Variants in LRRTM4 observed in about 807,000 individuals in gnomAD.
The protein encoded by LRRTM4 is leucine rich repeat transmembrane neuronal 4.
Under a neutral mutation model 47.6 loss-of-function variants are expected in LRRTM4, and 25 were observed. That is an observed-to-expected ratio of 0.53 (90% CI 0.38 to 0.73). The LOEUF (loss-of-function observed/expected upper bound fraction) is 0.73, where lower values mean the gene tolerates loss of function less well. Ranked by LOEUF, LRRTM4 falls within the 30% of genes least tolerant of loss-of-function variation. LRRTM4 has a pLI of 0.00. For missense variants in LRRTM4, 638 were observed against 713.4 expected, an observed-to-expected ratio of 0.89 and a Z score of 1.20; for synonymous variants, 311 against 269.5, an observed-to-expected ratio of 1.15 and a Z score of -1.51.
chr2:76,841,103 T>G (rs1671662181), intron 3 of LRRTM4, among the ~76,000 whole-genome samples: 1 of 150,366 alleles, frequency 6.7e-6, no homozygotes, highest in Non-Finnish European at 1.5e-5. Context: ...CCATAAAAAA[T>G]GATGAGTTCA....
intron 3 of LRRTM4, among the ~76,000 whole-genome samples, chr2:77,274,133 A>G (rs1676275979): frequency 1.3e-5 from 2 of 152,062 alleles, no homozygotes; most frequent in African/African-American, 2.4e-5. Context: ...TGTCTCTCAT[A>G]TATGATCACA....
chr2:77,042,265 T>C (rs1216788154), intron 3 of LRRTM4, among the ~76,000 whole-genome samples: 1 of 151,394 alleles, frequency 6.6e-6, no homozygotes, highest in Non-Finnish European at 1.5e-5. Context: ...CAAGCTACTC[T>C]CAAATAGTTA....
chr2:77,066,798 G>T (rs1285155071), intron 3 of LRRTM4, among the ~76,000 whole-genome samples: 1 of 152,196 alleles, frequency 6.6e-6, no homozygotes, highest in African/African-American at 2.4e-5. Context: ...AGAAATTAAA[G>T]AAGATGTGAC....
intron 3 of LRRTM4, among the ~76,000 whole-genome samples, chr2:77,159,693 C>A (rs1011846603): frequency 6.6e-6 from 1 of 151,618 alleles, no homozygotes; most frequent in Non-Finnish European, 1.5e-5. Flanking sequence ...TCAGGGTGGG[C>A]AGAGGGGGAA....
chr2:77,347,798 G>A (rs1465456482), intron 3 of LRRTM4, among the ~76,000 whole-genome samples: 1 of 151,878 alleles, frequency 6.6e-6, no homozygotes, highest in South Asian at 2.1e-4. Flanking sequence ...ATTCTTGGTA[G>A]CTCTGGTCTA....
chr2:77,189,628 C>T (rs950336437), intron 3 of LRRTM4, among the ~76,000 whole-genome samples: 4 of 151,774 alleles, frequency 2.6e-5, no homozygotes, highest in African/African-American at 9.7e-5. Flanking sequence ...CCAACCATGC[C>T]GGCACCGTGA....
intron 3 of LRRTM4, among the ~76,000 whole-genome samples, chr2:76,804,520 A>C (rs558608867): frequency 1.3e-5 from 2 of 151,702 alleles, no homozygotes; most frequent in Non-Finnish European, 2.9e-5. Context: ...TGGTGTATCT[A>C]TTTTAACCGG....
intron 3 of LRRTM4, among the ~76,000 whole-genome samples, chr2:76,871,156 C>T (rs1319120457): frequency 6.6e-6 from 1 of 152,072 alleles, no homozygotes; most frequent in African/African-American, 2.4e-5. Flanking sequence ...AAACATTGTC[C>T]AAATTTCCAT....
chr2:77,250,126 G>A (rs1265521738), intron 3 of LRRTM4, among the ~76,000 whole-genome samples: 2 of 152,236 alleles, frequency 1.3e-5, no homozygotes, highest in East Asian at 3.9e-4. Flanking sequence ...GCAAGATTAT[G>A]GAGATAGTGA....
At chr2:76,982,112 A>C (rs1170496881) in intron 3 of LRRTM4, among the ~76,000 whole-genome samples, 1 of 152,046 alleles carries the variant, frequency 6.6e-6, no homozygotes, top group African/African-American at 2.4e-5. Flanking sequence ...CTATGTGTCC[A>C]TGGATATTGT....
At chr2:76,787,686 C>A in intron 3 of LRRTM4, among the ~76,000 whole-genome samples, 1 of 152,034 alleles carries the variant, frequency 6.6e-6, no homozygotes, top group Admixed American at 6.6e-5. Flanking sequence ...GACTACAGCA[C>A]ACTTATTCGG....
chr2:77,231,971 G>T (rs569096240), intron 3 of LRRTM4, among the ~76,000 whole-genome samples: 15 of 152,072 alleles, frequency 9.9e-5, no homozygotes, highest in African/African-American at 2.9e-4. Flanking sequence ...TTTACCTTTT[G>T]CTTTTCTTCA....
chr2:77,082,872 T>C (rs543682925), intron 3 of LRRTM4, among the ~76,000 whole-genome samples: 1 of 152,142 alleles, frequency 6.6e-6, no homozygotes, highest in Non-Finnish European at 1.5e-5. Flanking sequence ...AATATTTTAC[T>C]ATTTAATCAT....
intron 3 of LRRTM4, among the ~76,000 whole-genome samples, chr2:76,767,191 C>G (rs13030721): frequency 0.12 from 18,691 of 152,168 alleles, 1,678 homozygotes; most frequent in East Asian, 0.4. Flanking sequence ...TTCTTTCTGG[C>G]ATTCTGACTG....
At chr2:76,925,645 AC>A (rs1674566275) in intron 3 of LRRTM4, among the ~76,000 whole-genome samples, 1 of 151,744 alleles carries the variant, frequency 6.6e-6, no homozygotes, top group South Asian at 2.1e-4. Context: ...TTAACCATTC[AC>A]TCTGTGTAAA....
At chr2:77,090,679 C>A (rs1023444159) in intron 3 of LRRTM4, among the ~76,000 whole-genome samples, 9 of 152,134 alleles carry the variant, frequency 5.9e-5, no homozygotes, top group Admixed American at 2.0e-4. Context: ...ACCACCAGGC[C>A]AAGGAATGTC....
In LRRTM4 at chr2:76,854,368, T is replaced by C. The variant is rs1465108615; in HGVS notation, c.1552-105452A>G. ...TTTTACTTTTCCCTCAATAAATGTA[T>C]AAATCATTAAATAGAGTCATGATAC... On this transcript the variant is annotated intron_variant, in intron 3 of 3. Transcript: ENST00000409884. 2.0e-5 allele frequency among the ~76,000 whole-genome samples: 3 copies of C among 152,116 alleles called. No homozygotes were observed. In the East Asian group the frequency reaches 5.8e-4, roughly 29 times the overall value.
In LRRTM4 at chr2:77,505,938, T is replaced by A. The variant is rs559787014; in HGVS notation, c.1551+12380A>T. ...ATAATTCTAGTCAAAATACCAAATA[T>A]GTGTGTTCAGGGAAGAGAGAGCGAT... On this transcript the variant is annotated intron_variant, in intron 3 of 3. Coordinates refer to ENST00000409884, the MANE Select transcript of LRRTM4 (RefSeq NM_001134745.3). Among the ~76,000 whole-genome samples, 13 of 151,730 alleles carry A rather than the reference T, an allele frequency of 8.6e-5. No homozygotes were observed. The South Asian group carries it at 1.7e-3, about 19-fold the overall frequency.
At chr2:77,411,108 T>C (rs1674403414) in intron 3 of LRRTM4, among the ~76,000 whole-genome samples, 1 of 152,058 alleles carries the variant, frequency 6.6e-6, no homozygotes, top group African/African-American at 2.4e-5. Context: ...AGGGGTAGAG[T>C]ACCTTTGAAG....
Sources: gnomAD v4.1 joint callset for allele counts (sites outside exome capture counted in the v4.1 genomes callset) on GRCh38, gnomAD v4.1.1 for gene constraint, MANE v1.5 for transcripts, NCBI Gene and HGNC (gene_info 2026-07-23, HGNC 2026-07-21) for gene names.